Variants in USP13 observed in about 807,000 individuals in gnomAD.
USP13 encodes ubiquitin carboxyl-terminal hydrolase 13.
Under a neutral mutation model 107.8 loss-of-function variants are expected in USP13, and 68 were observed. The observed-to-expected ratio is 0.63, with a 90% CI of 0.52 to 0.77. USP13 has a LOEUF of 0.77. Ranked by LOEUF, USP13 falls within the 30% of genes least tolerant of loss-of-function variation. USP13 has a pLI of 0.00. For synonymous variants in USP13, 377 were observed against 389.5 expected, an observed-to-expected ratio of 0.97 and a Z score of 0.38; for missense variants, 945 against 1,093.3, an observed-to-expected ratio of 0.86 and a Z score of 1.91.
intron 1 of USP13, among the ~76,000 whole-genome samples, chr3:179,658,505 G>A (rs945018917): frequency 5.9e-5 from 9 of 152,176 alleles, no homozygotes; most frequent in Non-Finnish European, 1.0e-4. Context: ...AACTGAAAAC[G>A]GGGAGGCTTA....
At chr3:179,683,812 T>C (rs1711761110) in intron 2 of USP13, among the ~76,000 whole-genome samples, 1 of 152,232 alleles carries the variant, frequency 6.6e-6, no homozygotes, top group Non-Finnish European at 1.5e-5. Flanking sequence ...CGTGACTGTT[T>C]TAACATTTTA....
intron 1 of USP13, 97 bp from the exon 2 acceptor site, chr3:179,681,781 T>C: frequency 6.7e-7 from 1 of 1,485,782 alleles, no homozygotes; most frequent in Non-Finnish European, 9.0e-7. Flanking sequence ...TTGCCAGGCC[T>C]CGTCTTCAGC....
At chr3:179,757,927 GAATAATCTAATTGTAATAGCCACTGCT>G (rs1714862023) in intron 16 of USP13, among the ~76,000 whole-genome samples, 2 of 152,126 alleles carry the variant, frequency 1.3e-5, no homozygotes, top group Non-Finnish European at 2.9e-5. Flanking sequence ...TTCCCACTGC[GAATAATCTAATTGTAATAGCCACTGCT>G]AAAGTTTTTG....
intron 6 of USP13, among the ~76,000 whole-genome samples, chr3:179,719,284 T>A (rs907918274): frequency 4.6e-5 from 7 of 152,004 alleles, no homozygotes; most frequent in Non-Finnish European, 1.0e-4. Flanking sequence ...ACCAAACATA[T>A]GGTCATTTTC....
chr3:179,685,187 A>T (rs1195542747), intron 2 of USP13, among the ~76,000 whole-genome samples: 1 of 148,212 alleles, frequency 6.7e-6, no homozygotes. Flanking sequence ...GTACCCTATA[A>T]TTTTTTTTTT....
intron 1 of USP13, among the ~76,000 whole-genome samples, chr3:179,671,655 G>T (rs1444649596): frequency 7.2e-5 from 11 of 152,102 alleles, no homozygotes; most frequent in South Asian, 2.1e-4. Context: ...TTTCATGGAG[G>T]TACCATAAAT....
intron 1 of USP13, among the ~76,000 whole-genome samples, chr3:179,676,070 C>A (rs749866574): frequency 6.6e-6 from 1 of 152,104 alleles, no homozygotes; most frequent in Non-Finnish European, 1.5e-5. Context: ...AGTGAATTTT[C>A]ATGAGATCTG....
chr3:179,695,582 A>G (rs545802453), intron 3 of USP13, among the ~76,000 whole-genome samples: 1 of 152,012 alleles, frequency 6.6e-6, no homozygotes, highest in South Asian at 2.1e-4. Flanking sequence ...TTGAAAAATC[A>G]TTTAAATTCT....
At chr3:179,712,226 T>TA (rs1712956710) in intron 6 of USP13, among the ~76,000 whole-genome samples, 1 of 152,254 alleles carries the variant, frequency 6.6e-6, no homozygotes, top group African/African-American at 2.4e-5. Context: ...ATGGGAAACT[T>TA]ATTTTAAAAT....
intron 1 of USP13, among the ~76,000 whole-genome samples, chr3:179,659,104 G>A (rs913402031): frequency 1.1e-4 from 16 of 152,106 alleles, no homozygotes; most frequent in Non-Finnish European, 1.9e-4. Context: ...GAGATGGCTC[G>A]GTGATATTGA....
At chr3:179,744,566 T>C (rs1714329316) in intron 12 of USP13, among the ~76,000 whole-genome samples, 1 of 152,160 alleles carries the variant, frequency 6.6e-6, no homozygotes, top group Non-Finnish European at 1.5e-5. Context: ...AATAATTGGC[T>C]GGTTTTGACT....
At chr3:179,757,112 A>C in intron 16 of USP13, 34 bp downstream of exon 16, 1 of 1,605,944 alleles carries the variant, frequency 6.2e-7, no homozygotes, top group South Asian at 1.1e-5. Flanking sequence ...TCAATGTCCT[A>C]CTGTTGTTAT....
intron 13 of USP13, among the ~76,000 whole-genome samples, chr3:179,746,211 TG>T (rs1714402317): frequency 6.8e-6 from 1 of 146,974 alleles, no homozygotes; most frequent in Non-Finnish European, 1.5e-5. Flanking sequence ...ATATATAAAA[TG>T]TATATATATA....
At chr3:179,716,732 A>C (rs1713126189) in intron 6 of USP13, among the ~76,000 whole-genome samples, 1 of 152,226 alleles carries the variant, frequency 6.6e-6, no homozygotes, top group East Asian at 1.9e-4. Flanking sequence ...CAGAGATTAC[A>C]AATTATTATT....
intron 6 of USP13, among the ~76,000 whole-genome samples, chr3:179,712,530 G>C (rs887479556): frequency 6.6e-6 from 1 of 151,824 alleles, no homozygotes. Context: ...TGATCATACT[G>C]TATAAAGTTT....
intron 7 of USP13, 100 bp downstream of exon 7, chr3:179,720,134 G>T: frequency 1.3e-6 from 1 of 765,588 alleles, no homozygotes; most frequent in Non-Finnish European, 2.0e-6. Context: ...TTCCTCTAAC[G>T]TGGATCTTCA....
intron 19 of USP13, among the ~76,000 whole-genome samples, chr3:179,778,112 G>A (rs913059746): frequency 5.3e-5 from 8 of 151,552 alleles, no homozygotes; most frequent in Non-Finnish European, 1.2e-4. Context: ...CAGTTGATGT[G>A]ATAGCTAGCA....
At chr3:179,699,746 A>ATTTT (rs1162183745) in intron 3 of USP13, among the ~76,000 whole-genome samples, 3 of 113,470 alleles carry the variant, frequency 2.6e-5, no homozygotes, top group Admixed American at 9.4e-5. Context: ...TATCTTATTT[A>ATTTT]TTTTATTTAT....
At chr3:179,765,916 C>T (rs1376730123) in intron 19 of USP13, 68 bp downstream of exon 19, 1 of 1,516,952 alleles carries the variant, frequency 6.6e-7, no homozygotes, top group Non-Finnish European at 8.9e-7. Flanking sequence ...CCTTCCCTCC[C>T]ACCACAACAT....
Sources: allele counts gnomAD v4.1 joint callset (sites outside exome capture counted in the v4.1 genomes callset), GRCh38; gene constraint gnomAD v4.1.1; transcripts MANE v1.5; gene names NCBI Gene and HGNC (gene_info 2026-07-23, HGNC 2026-07-21).